Variants in SBF2 observed in about 807,000 individuals in gnomAD.
SBF2 encodes the protein myotubularin-related protein 13.
In SBF2, 112 loss-of-function variants were observed where a neutral mutation model predicts 225.2. The ratio of observed to expected loss-of-function variants is 0.50; its 90% CI spans 0.43 to 0.58. The LOEUF (loss-of-function observed/expected upper bound fraction) is 0.58. Ranked by LOEUF, SBF2 falls within the 20% of genes least tolerant of loss-of-function variation. The probability of loss-of-function intolerance (pLI) is 0.00; values close to 1 mark genes in which losing one functional copy is unlikely to be tolerated. For missense variants in SBF2, 1,996 were observed against 2,206.2 expected (o/e 0.90, Z 1.91); for synonymous variants, 763 against 773.3 (o/e 0.99, Z 0.22).
intron 1 of SBF2, among the ~76,000 whole-genome samples, chr11:10,270,719 C>T (rs182257788): frequency 6.6e-6 from 1 of 152,046 alleles, no homozygotes; most frequent in East Asian, 1.9e-4. Flanking sequence ...TGAGGACGGG[C>T]GCGGTGGCTC....
intron 1 of SBF2, among the ~76,000 whole-genome samples, chr11:10,263,072 T>C (rs573962275): frequency 9.2e-5 from 14 of 152,200 alleles, no homozygotes; most frequent in African/African-American, 3.4e-4. Context: ...TAAAAAATTA[T>C]ATACAATATA....
At chr11:10,291,080 T>C (rs1964131618) in intron 1 of SBF2, among the ~76,000 whole-genome samples, 1 of 152,244 alleles carries the variant, frequency 6.6e-6, no homozygotes, top group Admixed American at 6.5e-5. Context: ...AGAAGCCAGC[T>C]TGTACAACTC....
intron 1 of SBF2, among the ~76,000 whole-genome samples, chr11:10,271,021 A>AAAAAAG (rs1962448410): frequency 6.8e-6 from 1 of 148,000 alleles, no homozygotes; most frequent in Non-Finnish European, 1.5e-5. Flanking sequence ...AAAAAAAAAA[A>AAAAAAG]GTAGTAAAAT....
chr11:9,965,297 C>CTTTTTT (rs34056394), intron 14 of SBF2, among the ~76,000 whole-genome samples: 2 of 128,852 alleles, frequency 1.6e-5, no homozygotes, highest in African/African-American at 5.7e-5. Flanking sequence ...ATGTTTTAAA[C>CTTTTTT]TTTTTTTTTT....
At chr11:10,146,931 C>T (rs895486978) in intron 2 of SBF2, among the ~76,000 whole-genome samples, 1 of 151,816 alleles carries the variant, frequency 6.6e-6, no homozygotes, top group Non-Finnish European at 1.5e-5. Context: ...CAAAAGAAGA[C>T]ATGCATGTGG....
At chr11:9,920,304 G>T (rs4910081) in intron 16 of SBF2, among the ~76,000 whole-genome samples, 29,956 of 151,636 alleles carry the variant, frequency 0.2, 3,807 homozygotes, top group Non-Finnish European at 0.29. Context: ...GAAGGGGGAA[G>T]AATTTACTCT....
chr11:9,796,010 G>T lies in SBF2; in HGVS notation c.4444-53C>A, dbSNP rs954637054. On this transcript the variant is annotated intron_variant, in intron 32 of 39. Coordinates refer to ENST00000256190, the MANE Select transcript of SBF2 (RefSeq NM_030962.4). ...TAAGAATCAAACAGAACAAAAAGTG[G>T]ATGCCAGGCCACTGAAGGCTTAACT... 3.4e-5 allele frequency: 54 copies of T among 1,593,520 alleles called. No individual in the cohort carries two copies. The African/African-American group carries it at 6.8e-4, about 20-fold the overall frequency.
At chr11:10,076,916 C>T (rs1951143210) in intron 2 of SBF2, among the ~76,000 whole-genome samples, 1 of 152,200 alleles carries the variant, frequency 6.6e-6, no homozygotes, top group Non-Finnish European at 1.5e-5. Context: ...TTGCCTCCAT[C>T]AACCTGCATC....
chr11:9,870,922 C>T lies in SBF2; in HGVS notation c.1930-12526G>A, dbSNP rs561422188. On this transcript the variant is annotated intron_variant, in intron 17 of 39. Coordinates refer to ENST00000256190, the MANE Select transcript of SBF2 (RefSeq NM_030962.4). The stretch of plus-strand genomic sequence containing the variant: ...CCAGGAGGTGGAGGTTGCAGTGAGC[C>T]GAGATCACGCCACTGCACTCCAGCC... Among the ~76,000 whole-genome samples, 14 of 149,736 alleles carry T rather than the reference C, an allele frequency of 9.3e-5. No individual in the cohort carries two copies. In the East Asian group the frequency reaches 1.8e-3, roughly 19 times the overall value.
At chr11:9,965,642 C>T (rs11824802) in intron 14 of SBF2, among the ~76,000 whole-genome samples, 1,815 of 152,232 alleles carry the variant, frequency 0.012, 37 homozygotes, top group African/African-American at 0.041. Context: ...AAATGTAATA[C>T]AAAGAAGATC....
chr11:9,879,851 A>C (rs553384782), intron 17 of SBF2, among the ~76,000 whole-genome samples: 12 of 152,220 alleles, frequency 7.9e-5, no homozygotes, highest in African/African-American at 2.6e-4. Flanking sequence ...TGGGAGGCCA[A>C]GATGGGCGGA....
At position 10,163,891 on chromosome 11, in the gene SBF2, C is replaced by T. The variant is rs568949035; in HGVS notation, c.141+30011G>A. Among the ~76,000 whole-genome samples, 5 of 152,314 alleles carry T rather than the reference C, an allele frequency of 3.3e-5. No individual in the cohort carries two copies. In the East Asian group the frequency reaches 9.6e-4, roughly 29 times the overall value. Reference sequence around the variant, plus strand: ...AAGCCAGAACTAAAACTCAACAAGACTGTTCTAGAGTCCATGATATTGACC... The same window carrying T: ...AAGCCAGAACTAAAACTCAACAAGATTGTTCTAGAGTCCATGATATTGACC... On this transcript the variant is annotated intron_variant, in intron 2 of 39. Transcript: ENST00000256190.
In SBF2 at chr11:10,098,679, G is replaced by GCACACA. The variant is rs56244507; in HGVS notation, c.142-55704_142-55699dup. On this transcript the variant is annotated intron_variant, in intron 2 of 39. Transcript: ENST00000256190. ...AATACAATCAACAAAGACAAAAAAT[G>GCACACA]CACACACACACACACACACACACAC... 3.7e-3 allele frequency among the ~76,000 whole-genome samples: 488 copies of GCACACA among 130,878 alleles called. 2 individuals carry two copies. The highest frequency in any genetic ancestry group is 3.1e-3 in the African/African-American group (103 of 33,288). 85.9% of individuals were successfully genotyped at this position (130,878 alleles called of 152,430 possible). A position where few individuals can be genotyped will look rare whatever the true frequency, so the allele number is the denominator to read the frequency against.
chr11:9,996,515 G>A (rs1286770039), intron 9 of SBF2, among the ~76,000 whole-genome samples: 5 of 152,108 alleles, frequency 3.3e-5, no homozygotes, highest in Non-Finnish European at 5.9e-5. Context: ...TCAGCCTCCT[G>A]AGTAGCTGGG....
At chr11:9,847,615 G>A (rs142804008) in intron 22 of SBF2, among the ~76,000 whole-genome samples, 150 of 151,924 alleles carry the variant, frequency 9.9e-4, no homozygotes, top group African/African-American at 3.0e-3. Context: ...AGTTTGTTTC[G>A]AAATATGTAA....
At chr11:10,270,736 G>A (rs768572981) in intron 1 of SBF2, among the ~76,000 whole-genome samples, 2 of 152,166 alleles carry the variant, frequency 1.3e-5, no homozygotes, top group Non-Finnish European at 2.9e-5. Context: ...GCTCACGCCT[G>A]TAATCCCAGC....
chr11:9,981,315 G>A (rs956063700), intron 13 of SBF2, among the ~76,000 whole-genome samples: 2 of 152,190 alleles, frequency 1.3e-5, no homozygotes, highest in African/African-American at 4.8e-5. Context: ...GGGAGGAAAG[G>A]AGTAGGGAAA....
chr11:10,130,172 C>A (rs1016097107), intron 2 of SBF2, among the ~76,000 whole-genome samples: 2 of 152,058 alleles, frequency 1.3e-5, no homozygotes, highest in Non-Finnish European at 2.9e-5. Flanking sequence ...ACCATCCTGG[C>A]TAACACAGTG....
At chr11:9,874,393 C>A (rs951614890) in intron 17 of SBF2, among the ~76,000 whole-genome samples, 1 of 151,948 alleles carries the variant, frequency 6.6e-6, no homozygotes, top group Non-Finnish European at 1.5e-5. Flanking sequence ...CCAGAGACCC[C>A]TAAAAAAATT....
Sources: gnomAD v4.1 joint callset for allele counts (sites outside exome capture counted in the v4.1 genomes callset) on GRCh38, gnomAD v4.1.1 for gene constraint, MANE v1.5 for transcripts, NCBI Gene and HGNC (gene_info 2026-07-23, HGNC 2026-07-21) for gene names.